Variants in LRP1 observed in about 807,000 individuals in gnomAD.
LRP1 encodes the protein prolow-density lipoprotein receptor-related protein 1.
Under a neutral mutation model 541.5 loss-of-function variants are expected in LRP1, and 51 were observed. The ratio of observed to expected loss-of-function variants is 0.09; its 90% confidence interval spans 0.08 to 0.12. The LOEUF is 0.12. LRP1 is among the 10% of genes least tolerant of loss of function. LRP1 has a pLI of 1.00. For missense variants in LRP1, 3,878 were observed against 6,376.2 expected (o/e 0.61, Z 13.34); for synonymous variants, 2,219 against 2,470.8 (o/e 0.90, Z 3.02).
In LRP1 at chr12:57,202,543, T is replaced by TTGGCCCCCCC; in HGVS notation, c.10711+6_10711+7insTGGCCCCCCC. ...CTCCGATGAAGAGAGCTGCAGTACGTCCCCACCCACCCAGCCCCGCATGAG... is the reference window on the plus strand; with the variant it reads ...CTCCGATGAAGAGAGCTGCAGTACGTTGGCCCCCCCCCCCACCCACCCAGCCCCGCATGAG... On this transcript the variant is annotated splice_region_variant and intron_variant, in intron 68 of 88. Transcript: ENST00000243077. 1.3e-6 allele frequency: 2 copies of TTGGCCCCCCC among 1,523,622 alleles called. No homozygotes were observed. Among genetic ancestry groups the TTGGCCCCCCC allele is most frequent in the East Asian group, 2.5e-5 (1 of 40,540 alleles). 94.4% of individuals were successfully genotyped at this position (1,523,622 alleles called of 1,614,324 possible).
chr12:57,187,369 C>A lies in LRP1; in HGVS notation c.6944C>A (p.Thr2315Asn), dbSNP rs1565741362. ...ATCACGCGCCACACAGTGGACCAGA[C>A]CCGCCCAGGGGCCTTCGAGCGTGAG... is the stretch of plus-strand genomic sequence containing the variant. The part of the protein sequence containing the change: ...STITRHTVDQ[T>N]RPGAFERETV... The change falls in exon 42 of 89, where the codon ACC (threonine) becomes AAC (asparagine). Residue 2315 changes from threonine to asparagine, a missense_variant. Physicochemically the swap from Thr to Asn is moderately conservative, Grantham distance 65. Around this residue, in one of 13 missense-constraint regions of LRP1, gnomAD observed 1,100 missense variants for 1,827.4 expected, o/e 0.60. Transcript: ENST00000243077. The A allele has an allele frequency of 6.2e-7, 1 of 1,614,224 alleles. No individual in the cohort carries two copies. The highest frequency in any genetic ancestry group is 1.3e-5 in the African/African-American group (1 of 75,052).
chr12:57,200,639 C>A, intron 63 of LRP1, 60 bp from the exon 64 acceptor site: 1 of 1,548,926 alleles, frequency 6.5e-7, no homozygotes, highest in Non-Finnish European at 8.9e-7. Context: ...TGGTGCCCTG[C>A]AAGTGGACCT....
At position 57,156,843 on chromosome 12, in the gene LRP1, T is replaced by C; in HGVS notation, c.1484T>C (p.Leu495Pro). 6.2e-7 allele frequency: 1 copy of C among 1,605,542 alleles called. No individual in the cohort carries two copies. The highest frequency in any genetic ancestry group is 8.5e-7 in the Non-Finnish European group (1 of 1,178,038). ...GGTGGCTGCTCTGACATCTGCCTGC[T>C]GGCCAACAGCCACAAGGCGCGGACC... The part of the protein sequence containing the change: ...KPGGCSDICL[L>P]ANSHKARTCR... The change falls in exon 10 of 89, where the codon CTG (leucine) becomes CCG (proline). Residue 495 changes from leucine (L) to proline (P), a missense_variant. By Grantham distance (98) the Leu-to-Pro change is moderately conservative (BLOSUM62 -3). Coordinates refer to ENST00000243077, the MANE Select transcript of LRP1 (RefSeq NM_002332.3). The surrounding 1 kb of genome is among the most constrained non-coding windows in gnomAD (Gnocchi z 5.2).
Position 57,202,405 on chromosome 12 carries a change from C to T in LRP1, c.10595-16C>T, listed in dbSNP as rs1053068891. The T allele has an allele frequency of 6.3e-7, 1 of 1,590,004 alleles. No individual in the cohort carries two copies. The highest frequency in any genetic ancestry group is 1.7e-5 in the Admixed American group (1 of 59,998). On this transcript the variant is annotated splice_polypyrimidine_tract_variant and intron_variant, in intron 67 of 88. Coordinates refer to ENST00000243077, the MANE Select transcript of LRP1 (RefSeq NM_002332.3). ...CCAGCCCTTTCCCTGACTGCCCTGA[C>T]ACTTGCCTCCTCCAGATGAACGCAC...
In LRP1 at chr12:57,206,763, G is replaced by A; in HGVS notation, c.11859+22G>A. On this transcript the variant is annotated intron_variant, in intron 76 of 88. Coordinates refer to ENST00000243077, the MANE Select transcript of LRP1 (RefSeq NM_002332.3). The surrounding 1 kb of genome is among the most constrained non-coding windows in gnomAD (Gnocchi z 4.7). ...CAACGTGAGTGCCCAACCTGGCGTGGATGGAGTGGAAGAGCTCCATAGAGC... is the reference window on the plus strand; with the variant it reads ...CAACGTGAGTGCCCAACCTGGCGTGAATGGAGTGGAAGAGCTCCATAGAGC... The A allele has an allele frequency of 6.2e-7, 1 of 1,606,772 alleles. No homozygotes were observed. The highest frequency in any genetic ancestry group is 8.5e-7 in the Non-Finnish European group (1 of 1,179,136).
Position 57,210,328 on chromosome 12 carries a change from A to C in LRP1, c.12602A>C (p.Asn4201Thr). ...GCAGCTCCCCGGCCTGGAACCTGTA[A>C]CCTGCAGTGCTTCAACGGTGGCAGC... ...PPDAPRPGTC[N>T]LQCFNGGSCF... is the part of the protein sequence containing the mutation. Residue 4201 changes from asparagine (N) to threonine (T), a missense_variant, in exon 82 of 89, where the codon AAC becomes ACC. This residue lies in a region of LRP1 where 871 missense variants were observed against 1,212.4 expected (regional missense o/e 0.72). Coordinates refer to ENST00000243077, the MANE Select transcript of LRP1 (RefSeq NM_002332.3). 1 of 1,570,948 alleles carries C rather than the reference A, an allele frequency of 6.4e-7. No homozygotes were observed. Among genetic ancestry groups the C allele is most frequent in the Non-Finnish European group, 8.6e-7 (1 of 1,157,304 alleles).
At chr12:57,148,953 C>A in intron 6 of LRP1, 1 of 595,612 alleles carries the variant, frequency 1.7e-6, no homozygotes. Context: ...CCTTCCTCTC[C>A]CTTTCTTTTA....
chr12:57,185,968 C>G lies in LRP1; in HGVS notation c.6841+60C>G, dbSNP rs776344659. On this transcript the variant is annotated intron_variant, in intron 41 of 88. Coordinates refer to ENST00000243077, the MANE Select transcript of LRP1 (RefSeq NM_002332.3). The surrounding 1 kb of genome is among the most constrained non-coding windows in gnomAD (Gnocchi z 4.9). ...GACATGGGGCGGGGAGCAGCACAGA[C>G]TCTTAGACCCCAGCCAGGCACTCTA... 6 of 1,535,730 alleles carry G rather than the reference C, an allele frequency of 3.9e-6. No individual in the cohort carries two copies. Among genetic ancestry groups the G allele is most frequent in the Non-Finnish European group, 5.3e-6 (6 of 1,139,552 alleles).
At chr12:57,144,028 T>C (rs1314030375) in intron 4 of LRP1, among the ~76,000 whole-genome samples, 1 of 152,208 alleles carries the variant, frequency 6.6e-6, no homozygotes, top group Non-Finnish European at 1.5e-5. Context: ...AATTTTTCTG[T>C]TGTAAAAAAT....
intron 6 of LRP1, among the ~76,000 whole-genome samples, chr12:57,150,997 T>C (rs2035514882): frequency 6.6e-6 from 1 of 151,876 alleles, no homozygotes; most frequent in African/African-American, 2.4e-5. Context: ...CCTCTTTGGA[T>C]GTGTATACAC....
chr12:57,165,345 A>G lies in LRP1; in HGVS notation c.2531-460A>G, dbSNP rs2035817627. The G allele has an allele frequency of 1.8e-5, 3 of 162,378 alleles. No homozygotes were observed. Among genetic ancestry groups the G allele is most frequent in the Admixed American group, 1.7e-4 (3 of 17,416 alleles). The allele number at this position is 162,378 out of a possible 1,614,324, so 10.1% of individuals were successfully genotyped here. A position where few individuals can be genotyped will look rare whatever the true frequency, so the allele number is the denominator to read the frequency against. On this transcript the variant is annotated intron_variant, in intron 15 of 88. Coordinates refer to ENST00000243077, the MANE Select transcript of LRP1 (RefSeq NM_002332.3). The surrounding 1 kb of genome is among the most constrained non-coding windows in gnomAD (Gnocchi z 4.5). Reference sequence around the variant, plus strand: ...TGATGGTGAGGCATACGTTCTGGGGACAGGATGGGTGGAGCCTGCGCGGAT... The same window carrying G: ...TGATGGTGAGGCATACGTTCTGGGGGCAGGATGGGTGGAGCCTGCGCGGAT...
In LRP1 at chr12:57,144,031, T is replaced by TA. The variant is rs540149959; in HGVS notation, c.448+239dup. Among the ~76,000 whole-genome samples, 384 of 152,324 alleles carry TA rather than the reference T, an allele frequency of 2.5e-3. 2 individuals carry two copies. The highest frequency in any genetic ancestry group is 4.3e-3 in the Non-Finnish European group (292 of 68,026). On this transcript the variant is annotated intron_variant, in intron 4 of 88. Coordinates refer to ENST00000243077, the MANE Select transcript of LRP1 (RefSeq NM_002332.3). Reference sequence around the variant, plus strand: ...AGTTTATATGTAAATTTTTCTGTTGTAAAAAATTAGAGCATTAACAGATAA... The same window carrying TA: ...AGTTTATATGTAAATTTTTCTGTTGTAAAAAAATTAGAGCATTAACAGATAA...
At chr12:57,203,142 G>C in intron 68 of LRP1, 39 bp from the exon 69 acceptor site, 1 of 1,439,344 alleles carries the variant, frequency 6.9e-7, no homozygotes, top group Non-Finnish European at 9.4e-7. Context: ...GAGTCCTTGT[G>C]CCCACCCTCC....
At chr12:57,208,582 A>G in intron 77 of LRP1, 129 bp from the exon 78 acceptor site, 1 of 606,430 alleles carries the variant, frequency 1.6e-6, no homozygotes, top group Non-Finnish European at 3.0e-6. Flanking sequence ...GCTTCTCTGT[A>G]GAAGGACAGA....
In LRP1 at chr12:57,195,329, C is replaced by T. The variant is rs778275578; in HGVS notation, c.8367C>T (p.Pro2789=). The T allele has an allele frequency of 6.8e-6, 11 of 1,613,082 alleles. 1 individual carries two copies. Among genetic ancestry groups the T allele is most frequent in the South Asian group, 3.3e-5 (3 of 91,090 alleles). ...FSCPGTHVCV[P]ERWLCDGDKD... is the part of the protein sequence containing the mutation. ...GCCCTGGCACCCACGTGTGCGTCCCCGAGCGCTGGCTCTGTGACGGTGACA... is the reference window on the plus strand; with the variant it reads ...GCCCTGGCACCCACGTGTGCGTCCCTGAGCGCTGGCTCTGTGACGGTGACA... Residue 2789 remains proline, a synonymous_variant, in exon 52 of 89, where the codon CCC becomes CCT. Transcript: ENST00000243077.
At chr12:57,138,628 C>G (rs780532185) in intron 2 of LRP1, 47 bp downstream of exon 2, 1 of 1,604,970 alleles carries the variant, frequency 6.2e-7, no homozygotes, top group Non-Finnish European at 8.5e-7. Context: ...TAACTTATCC[C>G]TCTTCCTTTG....
chr12:57,211,949 T>G lies in LRP1; in HGVS notation c.13281T>G (p.Pro4427=). 1 of 1,614,128 alleles carries G rather than the reference T, an allele frequency of 6.2e-7. No homozygotes were observed. Among genetic ancestry groups the G allele is most frequent in the South Asian group, 1.1e-5 (1 of 91,082 alleles). Residue 4427 remains proline (P), a synonymous_variant, in exon 87 of 89, where the codon CCT becomes CCG. Transcript: ENST00000243077. This position sits in a 1 kb window ranked among gnomAD's most constrained non-coding sequence, Gnocchi z 4.3. The stretch of plus-strand genomic sequence containing the variant: ...CAGATATAGCCTCCATCCTAATCCC[T>G]CTGCTGTTGCTGCTGCTGCTGGTTC... ...QPGHIASILI[P]LLLLLLLVLV... is the part of the protein sequence containing the mutation.
chr12:57,179,107 C>A lies in LRP1; in HGVS notation c.4738+86C>A. The A allele has an allele frequency of 6.5e-7, 1 of 1,529,810 alleles. No homozygotes were observed. Among genetic ancestry groups the A allele is most frequent in the Non-Finnish European group, 8.8e-7 (1 of 1,136,242 alleles). The allele number at this position is 1,529,810 out of a possible 1,614,324, so 94.8% of individuals were successfully genotyped here. A position where few individuals can be genotyped will look rare whatever the true frequency, so the allele number is the denominator to read the frequency against. ...CCAGGATCCCGGTTGTCAGCTAAGG[C>A]AGAGTCCCAGTCGGGAGGGTCCCGA... On this transcript the variant is annotated intron_variant, in intron 28 of 88. Transcript: ENST00000243077. The surrounding 1 kb of genome is among the most constrained non-coding windows in gnomAD (Gnocchi z 6.8).
chr12:57,209,184 G>T lies in LRP1; in HGVS notation c.12247G>T (p.Ala4083Ser). 6.2e-7 allele frequency: 1 copy of T among 1,613,864 alleles called. No homozygotes were observed. The highest frequency in any genetic ancestry group is 1.1e-5 in the South Asian group (1 of 91,076). ...RLNGTDPIVA[A>S]DSKRGLSHPF... The stretch of plus-strand genomic sequence containing the variant: ...CAATGGCACGGACCCCATTGTGGCT[G>T]CTGACAGCAAACGAGGTCAGAGCCC... Residue 4083 changes from alanine to serine, a missense_variant, in exon 79 of 89, where the codon GCT (alanine) becomes TCT (serine). Ala to Ser is a moderately conservative substitution (Grantham distance 99). This residue lies in a region of LRP1 where 871 missense variants were observed against 1,212.4 expected (regional missense o/e 0.72). Transcript: ENST00000243077.
Sources: allele counts gnomAD v4.1 joint callset (sites outside exome capture counted in the v4.1 genomes callset), GRCh38; gene constraint gnomAD v4.1.1; regional missense constraint gnomAD v4.1.1; non-coding constraint Gnocchi (gnomAD v3.1); transcripts MANE v1.5; gene names NCBI Gene and HGNC (gene_info 2026-07-23, HGNC 2026-07-21).